Variants in EPHA6 observed in about 807,000 individuals in gnomAD.
The protein encoded by EPHA6 is EPH receptor A6.
EPHA6 carries 50 observed loss-of-function variants against 112.0 expected under a neutral mutation model. That is an observed-to-expected ratio of 0.45 (90% confidence interval 0.36 to 0.56). The LOEUF (loss-of-function observed/expected upper bound fraction) is 0.56. Among genes scored for constraint, EPHA6 ranks in the 20% least tolerant of loss-of-function variants. The pLI is 0.00. For synonymous variants in EPHA6, 529 were observed against 490.7 expected (o/e 1.08, Z -1.03); for missense variants, 1,280 against 1,417.4 (o/e 0.90, Z 1.56).
chr3:97,440,149 A>C (rs1210690854), intron 6 of EPHA6, among the ~76,000 whole-genome samples: 2 of 152,168 alleles, frequency 1.3e-5, no homozygotes, highest in East Asian at 3.9e-4. Flanking sequence ...GTATAAAATT[A>C]AGTGCTAAAT....
At chr3:96,854,527 G>A (rs1353285069) in intron 1 of EPHA6, among the ~76,000 whole-genome samples, 1 of 151,902 alleles carries the variant, frequency 6.6e-6, no homozygotes, top group Non-Finnish European at 1.5e-5. Context: ...ACATGAGATT[G>A]TAATCACCCT....
Position 97,592,647 on chromosome 3 carries a change from C to G in EPHA6, c.2422C>G (p.Pro808Ala). ...FPAIGVEAFC[P>A]SFLRAGFLNS... ...GGCCATTGGGGTGGAGGCGTTTTGC[C>G]CCAGCTTCCTGAGGGCAGGGTTTTT... is the stretch of plus-strand genomic sequence containing the variant. The change falls in exon 12 of 18, where the codon CCC becomes GCC. Residue 808 changes from proline (P) to alanine (A), a missense_variant. Pro to Ala is a conservative substitution (Grantham distance 27). Transcript: ENST00000389672. 1.2e-6 allele frequency: 2 copies of G among 1,613,510 alleles called. No homozygotes were observed. The highest frequency in any genetic ancestry group is 1.7e-6 in the Non-Finnish European group (2 of 1,179,750).
At chr3:97,663,904 T>C (rs2094187725) in intron 14 of EPHA6, among the ~76,000 whole-genome samples, 1 of 152,146 alleles carries the variant, frequency 6.6e-6, no homozygotes, top group African/African-American at 2.4e-5. Flanking sequence ...CCCGAGGAAT[T>C]GCCACACCGT....
At chr3:97,089,288 C>G (rs1239527053) in intron 3 of EPHA6, among the ~76,000 whole-genome samples, 1 of 152,092 alleles carries the variant, frequency 6.6e-6, no homozygotes, top group Non-Finnish European at 1.5e-5. Flanking sequence ...TAACTAATAT[C>G]AAACTTGTTG....
At chr3:97,632,674 C>T (rs1220097678) in intron 13 of EPHA6, among the ~76,000 whole-genome samples, 2 of 151,954 alleles carry the variant, frequency 1.3e-5, no homozygotes, top group African/African-American at 4.8e-5. Context: ...GAAGAGGAAA[C>T]TGTATAAGCA....
At chr3:97,266,437 A>G (rs1478771035) in intron 5 of EPHA6, among the ~76,000 whole-genome samples, 1 of 152,182 alleles carries the variant, frequency 6.6e-6, no homozygotes, top group Non-Finnish European at 1.5e-5. Context: ...AATATTTCTA[A>G]TTAAGTTATT....
intron 5 of EPHA6, among the ~76,000 whole-genome samples, chr3:97,248,785 A>G (rs2079052694): frequency 6.6e-6 from 1 of 152,102 alleles, no homozygotes; most frequent in African/African-American, 2.4e-5. Flanking sequence ...GTTTAAATCA[A>G]CAAAAGTCTC....
intron 14 of EPHA6, among the ~76,000 whole-genome samples, chr3:97,677,768 C>A (rs941741103): frequency 2.7e-5 from 4 of 145,530 alleles, no homozygotes; most frequent in Admixed American, 6.8e-5. Context: ...GAAGAGTAGG[C>A]TTCTTGAAAT....
intron 3 of EPHA6, among the ~76,000 whole-genome samples, chr3:97,215,373 A>G (rs1323712257): frequency 6.6e-6 from 1 of 152,214 alleles, no homozygotes; most frequent in Non-Finnish European, 1.5e-5. Context: ...CTGTGTTTCA[A>G]TCAATACTTC....
intron 3 of EPHA6, among the ~76,000 whole-genome samples, chr3:97,040,779 G>A (rs557976597): frequency 6.6e-6 from 1 of 152,026 alleles, no homozygotes; most frequent in Non-Finnish European, 1.5e-5. Flanking sequence ...TTACCATGGA[G>A]TGAGGAAATT....
rs1388516264 is a variant in EPHA6, at chr3:97,756,453, A to G, written c.*7752A>G. Among the ~76,000 whole-genome samples, 1 of 151,968 alleles carries G rather than the reference A, an allele frequency of 6.6e-6. No homozygotes were observed. The highest frequency in any genetic ancestry group is 1.5e-5 in the Non-Finnish European group (1 of 67,810). On this transcript the variant is annotated 3_prime_UTR_variant, in exon 18 of 18. Transcript: ENST00000389672. ...TAAGACAATGCTGAATATCATACATAGTTAATAAACAATGATTGGAGCTTT... is the reference window on the plus strand; with the variant it reads ...TAAGACAATGCTGAATATCATACATGGTTAATAAACAATGATTGGAGCTTT...
At chr3:97,286,693 T>C (rs1308967741) in intron 5 of EPHA6, among the ~76,000 whole-genome samples, 2 of 151,870 alleles carry the variant, frequency 1.3e-5, no homozygotes, top group Non-Finnish European at 2.9e-5. Flanking sequence ...TTTTTTTTTT[T>C]CTTTTGCTCA....
Position 97,260,048 on chromosome 3 carries a change from G to C in EPHA6, c.1606+15761G>C, listed in dbSNP as rs979009252. The stretch of plus-strand genomic sequence containing the variant: ...ACTCCCGAACTCAGATGATCAGCCC[G>C]CTTCGGCCTCCCAAAGTGCTGGGAT... On this transcript the variant is annotated intron_variant, in intron 5 of 17. Coordinates refer to ENST00000389672, the MANE Select transcript of EPHA6 (RefSeq NM_001080448.3). Among the ~76,000 whole-genome samples the C allele has an allele frequency of 5.3e-5, 8 of 152,110 alleles. 1 individual carries two copies. The highest frequency in any genetic ancestry group is 2.9e-5 in the Non-Finnish European group (2 of 68,012).
intron 11 of EPHA6, among the ~76,000 whole-genome samples, chr3:97,538,021 A>T (rs1443890345): frequency 6.6e-6 from 1 of 152,220 alleles, no homozygotes; most frequent in Non-Finnish European, 1.5e-5. Context: ...CCTAGGTGTG[A>T]TAGAAGAGTA....
chr3:96,961,451 T>C (rs1324499927), intron 2 of EPHA6, among the ~76,000 whole-genome samples: 1 of 152,226 alleles, frequency 6.6e-6, no homozygotes, highest in Non-Finnish European at 1.5e-5. Context: ...TTATAGATGC[T>C]ATTATGAAAG....
intron 2 of EPHA6, among the ~76,000 whole-genome samples, chr3:96,944,735 A>G (rs2041162706): frequency 6.6e-6 from 1 of 152,124 alleles, no homozygotes; most frequent in African/African-American, 2.4e-5. Context: ...AGATCAAGAG[A>G]TTGAGACCAT....
chr3:97,128,401 T>C (rs1455943067), intron 3 of EPHA6, among the ~76,000 whole-genome samples: 1 of 152,224 alleles, frequency 6.6e-6, no homozygotes, highest in Non-Finnish European at 1.5e-5. Flanking sequence ...ATGTTGGATC[T>C]ACTTTTAGCT....
intron 1 of EPHA6, among the ~76,000 whole-genome samples, chr3:96,838,396 T>C (rs1265384006): frequency 1.3e-5 from 2 of 152,138 alleles, no homozygotes; most frequent in East Asian, 3.9e-4. Flanking sequence ...ATGATTTATA[T>C]TCCTTTGGGC....
intron 6 of EPHA6, chr3:97,439,683 T>TTGTCATGGGTTCAGTGAAGTTTCTC: frequency 1.1e-6 from 1 of 930,356 alleles, no homozygotes; most frequent in Non-Finnish European, 1.3e-6. Context: ...TGATGTTTCT[T>TTGTCATGGGTTCAGTGAAGTTTCTC]TGTCATGGGT....
Sources: gnomAD v4.1 joint callset for allele counts (sites outside exome capture counted in the v4.1 genomes callset) on GRCh38, gnomAD v4.1.1 for gene constraint, MANE v1.5 for transcripts, NCBI Gene and HGNC (gene_info 2026-07-23, HGNC 2026-07-21) for gene names.